The following SEMA6D variants were observed in gnomAD, a reference collection of about 807,000 sequenced individuals.
SEMA6D encodes the protein semaphorin 6D.
Under a neutral mutation model 106.6 loss-of-function variants are expected in SEMA6D, and 35 were observed. The ratio of observed to expected loss-of-function variants is 0.33; its 90% CI spans 0.25 to 0.44. SEMA6D has a LOEUF of 0.44. Among genes scored for constraint, SEMA6D ranks in the 20% least tolerant of loss-of-function variants. The pLI is 1.00. For missense variants in SEMA6D, 1,185 were observed against 1,345.9 expected, an observed-to-expected ratio of 0.88 and a Z score of 1.87; for synonymous variants, 499 against 487.7, an observed-to-expected ratio of 1.02 and a Z score of -0.31.
intron 3 of SEMA6D, among the ~76,000 whole-genome samples, chr15:47,541,360 A>C (rs947041308): frequency 6.6e-6 from 1 of 152,182 alleles, no homozygotes; most frequent in Non-Finnish European, 1.5e-5. Context: ...ATAATCCCCC[A>C]AAAAAATTCA....
chr15:47,254,043 A>T (rs920193145), intron 1 of SEMA6D, among the ~76,000 whole-genome samples: 2 of 151,562 alleles, frequency 1.3e-5, no homozygotes, highest in Admixed American at 6.6e-5. Flanking sequence ...AGTGTTTAAT[A>T]GTCTTCATTG....
rs200153862 is a variant in SEMA6D at position 47,764,827 on chromosome 15, A to C, written c.1253+34A>C. 45 of 1,613,388 alleles carry C rather than the reference A, an allele frequency of 2.8e-5. No homozygotes were observed. In the East Asian group the frequency reaches 9.8e-4, roughly 35 times the overall value. On this transcript the variant is annotated intron_variant, in intron 12 of 18. Transcript: ENST00000536845. ...GTGTGTGAAACACTCCTTCCTATTCAACGTTTTCTCTGCCCGTTGGCCTCC... is the reference window on the plus strand; with the variant it reads ...GTGTGTGAAACACTCCTTCCTATTCCACGTTTTCTCTGCCCGTTGGCCTCC...
At chr15:47,540,644 G>T (rs916995388) in intron 3 of SEMA6D, among the ~76,000 whole-genome samples, 7 of 152,168 alleles carry the variant, frequency 4.6e-5, no homozygotes, top group Non-Finnish European at 1.0e-4. Flanking sequence ...AATGAAGAGA[G>T]AAGACTGGCC....
chr15:47,740,479 C>T (rs560635944), intron 1 of SEMA6D, among the ~76,000 whole-genome samples: 2 of 152,228 alleles, frequency 1.3e-5, no homozygotes, highest in East Asian at 1.9e-4. Flanking sequence ...AAGATTGCGC[C>T]ACTGCACTCC....
chr15:47,343,760 G>C (rs1458344090), intron 1 of SEMA6D, among the ~76,000 whole-genome samples: 3 of 152,036 alleles, frequency 2.0e-5, no homozygotes, highest in Non-Finnish European at 4.4e-5. Context: ...ATAATCCTTT[G>C]GGTATATACC....
chr15:47,236,023 G>C (rs2032517076), intron 1 of SEMA6D, among the ~76,000 whole-genome samples: 1 of 152,054 alleles, frequency 6.6e-6, no homozygotes, highest in Non-Finnish European at 1.5e-5. Flanking sequence ...TAGGACTAGG[G>C]TAAATCAAAA....
At chr15:47,435,051 A>T (rs1177664542) in intron 2 of SEMA6D, among the ~76,000 whole-genome samples, 2 of 152,158 alleles carry the variant, frequency 1.3e-5, no homozygotes, top group African/African-American at 4.8e-5. Flanking sequence ...AAATGGCCAG[A>T]TTTTAAACTT....
In SEMA6D at chr15:47,615,636, G is replaced by A. The variant is rs184903714; in HGVS notation, c.-55+14740G>A. On this transcript the variant is annotated intron_variant, in intron 4 of 19. Transcript: ENST00000558014. ...CAAATAAGGAATACCCAAGGGTCACGAATTCTAATGTATTTGAATAGTTGG... is the reference window on the plus strand; with the variant it reads ...CAAATAAGGAATACCCAAGGGTCACAAATTCTAATGTATTTGAATAGTTGG... 1.6e-3 allele frequency among the ~76,000 whole-genome samples: 239 copies of A among 152,232 alleles called. 1 individual carries two copies. Among genetic ancestry groups the A allele is most frequent in the South Asian group, 3.5e-3 (17 of 4,820 alleles).
intron 1 of SEMA6D, among the ~76,000 whole-genome samples, chr15:47,266,964 A>C (rs751496211): frequency 6.6e-6 from 1 of 152,142 alleles, no homozygotes; most frequent in Non-Finnish European, 1.5e-5. Flanking sequence ...AACAATTTTC[A>C]TCTGTTTCAC....
At chr15:47,742,430 C>A (rs2080875177) in intron 1 of SEMA6D, among the ~76,000 whole-genome samples, 1 of 152,162 alleles carries the variant, frequency 6.6e-6, no homozygotes, top group Non-Finnish European at 1.5e-5. Flanking sequence ...GTCCTTCACA[C>A]TGGCCTCCGT....
chr15:47,528,202 T>C (rs1285177923), intron 3 of SEMA6D, among the ~76,000 whole-genome samples: 1 of 152,234 alleles, frequency 6.6e-6, no homozygotes, highest in African/African-American at 2.4e-5. Context: ...TCCTCCACAC[T>C]TATTCACCAT....
intron 4 of SEMA6D, among the ~76,000 whole-genome samples, chr15:47,623,553 G>A (rs2077146987): frequency 2.0e-5 from 3 of 152,196 alleles, no homozygotes; most frequent in Admixed American, 2.0e-4. Flanking sequence ...ATTAGCAACT[G>A]CTTGGAAAAT....
intron 1 of SEMA6D, among the ~76,000 whole-genome samples, chr15:47,338,175 A>C (rs2037650808): frequency 2.0e-5 from 3 of 152,308 alleles, no homozygotes; most frequent in Non-Finnish European, 2.9e-5. Context: ...AAGGGGAAAA[A>C]GTTTGGGTGT....
intron 3 of SEMA6D, among the ~76,000 whole-genome samples, chr15:47,593,881 C>T (rs1231822252): frequency 6.6e-6 from 1 of 152,150 alleles, no homozygotes; most frequent in African/African-American, 2.4e-5. Flanking sequence ...AACTCTATCA[C>T]AAGAACACCA....
At chr15:47,577,397 C>T (rs1390374153) in intron 3 of SEMA6D, among the ~76,000 whole-genome samples, 1 of 152,210 alleles carries the variant, frequency 6.6e-6, no homozygotes, top group South Asian at 2.1e-4. Flanking sequence ...GAAAAAGTCA[C>T]TTTCAGCAAA....
chr15:47,457,301 A>G (rs2042372963), intron 2 of SEMA6D, among the ~76,000 whole-genome samples: 1 of 151,990 alleles, frequency 6.6e-6, no homozygotes, highest in East Asian at 1.9e-4. Flanking sequence ...CAAGCATCCA[A>G]TACAGACTTA....
At chr15:47,601,920 T>A (rs943763661) in intron 4 of SEMA6D, among the ~76,000 whole-genome samples, 74 of 152,226 alleles carry the variant, frequency 4.9e-4, no homozygotes, top group African/African-American at 1.7e-3. Flanking sequence ...AACTTCATTA[T>A]GTATTGTATG....
At chr15:47,648,790 GT>G (rs1241285311) in intron 4 of SEMA6D, among the ~76,000 whole-genome samples, 2 of 152,138 alleles carry the variant, frequency 1.3e-5, no homozygotes, top group African/African-American at 4.8e-5. Flanking sequence ...ATATTAGAAG[GT>G]TTTGAGTCTT....
chr15:47,633,279 A>G (rs977070578), intron 4 of SEMA6D, among the ~76,000 whole-genome samples: 6 of 151,870 alleles, frequency 4.0e-5, no homozygotes, highest in African/African-American at 1.4e-4. Context: ...TTCAGTCATT[A>G]TTTCCTATTT....
Sources: gnomAD v4.1 joint callset for allele counts (sites outside exome capture counted in the v4.1 genomes callset) on GRCh38, gnomAD v4.1.1 for gene constraint, MANE v1.5 for transcripts, NCBI Gene and HGNC (gene_info 2026-07-23, HGNC 2026-07-21) for gene names.